The following CNTNAP5 variants were observed in gnomAD, a reference collection of about 807,000 sequenced individuals.
CNTNAP5 encodes contactin-associated protein-like 5.
A neutral mutation model predicts 150.2 loss-of-function variants in CNTNAP5; 72 were observed. The observed-to-expected ratio is 0.48, with a 90% confidence interval of 0.40 to 0.58. The LOEUF (loss-of-function observed/expected upper bound fraction) is 0.58. Among genes scored for constraint, CNTNAP5 ranks in the 20% least tolerant of loss-of-function variants. The pLI, the probability that CNTNAP5 is intolerant of heterozygous loss-of-function variation, is 0.00. For missense variants in CNTNAP5, 1,636 were observed against 1,626.2 expected (o/e 1.01, Z -0.10); for synonymous variants, 672 against 619.8 (o/e 1.08, Z -1.25).
chr2:124,027,222 T>G (rs1680915472), intron 1 of CNTNAP5, among the ~76,000 whole-genome samples: 1 of 152,228 alleles, frequency 6.6e-6, no homozygotes. Context: ...TTCTGTGGAA[T>G]TGTTCCCGTG....
chr2:124,438,949 G>A (rs975246588), intron 5 of CNTNAP5, among the ~76,000 whole-genome samples: 1 of 152,100 alleles, frequency 6.6e-6, no homozygotes, highest in African/African-American at 2.4e-5. Flanking sequence ...AGGTCACATA[G>A]CTGCAAAGCT....
At chr2:124,863,435 T>A (rs1012882362) in intron 19 of CNTNAP5, among the ~76,000 whole-genome samples, 1 of 152,084 alleles carries the variant, frequency 6.6e-6, no homozygotes, top group Non-Finnish European at 1.5e-5. Context: ...ACTTTTTAAG[T>A]AGTAAAATAA....
chr2:124,821,007 C>G (rs936074425), intron 19 of CNTNAP5, among the ~76,000 whole-genome samples: 24 of 152,222 alleles, frequency 1.6e-4, no homozygotes, highest in African/African-American at 5.5e-4. Flanking sequence ...CTCACAGGCT[C>G]TTTGTCAAAG....
chr2:124,763,257 A>G (rs370014830), intron 14 of CNTNAP5, among the ~76,000 whole-genome samples: 2 of 152,276 alleles, frequency 1.3e-5, no homozygotes, highest in East Asian at 3.9e-4. Context: ...TGGCTGAAAC[A>G]AGTCCTTGGA....
intron 14 of CNTNAP5, among the ~76,000 whole-genome samples, chr2:124,751,490 T>C (rs1680727101): frequency 6.6e-6 from 1 of 152,242 alleles, no homozygotes; most frequent in Non-Finnish European, 1.5e-5. Context: ...AAAATGCATT[T>C]ATTATTTATC....
intron 6 of CNTNAP5, among the ~76,000 whole-genome samples, chr2:124,469,017 G>A (rs971876889): frequency 1.3e-5 from 2 of 152,228 alleles, no homozygotes; most frequent in Admixed American, 6.5e-5. Flanking sequence ...GTACCTTTCT[G>A]TGTTTTCCAA....
At chr2:124,348,782 C>T (rs959977241) in intron 3 of CNTNAP5, among the ~76,000 whole-genome samples, 4 of 151,908 alleles carry the variant, frequency 2.6e-5, no homozygotes, top group African/African-American at 9.7e-5. Flanking sequence ...TATGTCTCCC[C>T]AAATTTCTAG....
intron 8 of CNTNAP5, among the ~76,000 whole-genome samples, chr2:124,513,573 C>A (rs1469036838): frequency 6.6e-6 from 1 of 152,202 alleles, no homozygotes; most frequent in East Asian, 1.9e-4. Context: ...AACTATTTGC[C>A]ACACGCATGA....
At chr2:124,197,363 T>C (rs1210408177) in intron 1 of CNTNAP5, among the ~76,000 whole-genome samples, 2 of 152,248 alleles carry the variant, frequency 1.3e-5, no homozygotes, top group Non-Finnish European at 2.9e-5. Context: ...TAAATTGAGT[T>C]GACTTTTCAG....
intron 9 of CNTNAP5, among the ~76,000 whole-genome samples, chr2:124,525,980 G>A (rs1217017095): frequency 1.3e-5 from 2 of 152,140 alleles, no homozygotes; most frequent in Non-Finnish European, 2.9e-5. Flanking sequence ...GGGTGTTGGG[G>A]TCCGAAAAGA....
intron 3 of CNTNAP5, among the ~76,000 whole-genome samples, chr2:124,333,636 A>T (rs954616394): frequency 6.6e-6 from 1 of 152,198 alleles, no homozygotes; most frequent in South Asian, 2.1e-4. Context: ...ATTGAATATA[A>T]GAAGGTTGTA....
At chr2:124,458,407 G>C (rs896412768) in intron 6 of CNTNAP5, among the ~76,000 whole-genome samples, 2 of 151,120 alleles carry the variant, frequency 1.3e-5, no homozygotes, top group Non-Finnish European at 2.9e-5. Context: ...TCTAAGTGAA[G>C]TAACTCAGGA....
At chr2:124,541,613 G>C (rs760641325) in intron 10 of CNTNAP5, among the ~76,000 whole-genome samples, 1 of 152,040 alleles carries the variant, frequency 6.6e-6, no homozygotes, top group Non-Finnish European at 1.5e-5. Context: ...CGCACTAGGG[G>C]GATAAATGAG....
At chr2:124,380,911 G>A (rs1278414056) in intron 3 of CNTNAP5, among the ~76,000 whole-genome samples, 1 of 152,124 alleles carries the variant, frequency 6.6e-6, no homozygotes, top group Non-Finnish European at 1.5e-5. Context: ...ACGCAAAAAA[G>A]TAAGCTACTA....
chr2:124,547,792 C>T (rs972679035), intron 10 of CNTNAP5, among the ~76,000 whole-genome samples: 8 of 152,070 alleles, frequency 5.3e-5, no homozygotes, highest in Admixed American at 1.3e-4. Flanking sequence ...ATTCCTGCCA[C>T]GGGAGGAAGT....
At chr2:124,446,074 C>T (rs1183504743) in intron 5 of CNTNAP5, among the ~76,000 whole-genome samples, 10 of 151,928 alleles carry the variant, frequency 6.6e-5, no homozygotes, top group South Asian at 4.1e-4. Context: ...CAGTATGACC[C>T]GAGCCATGAT....
chr2:124,735,074 ATGT>A (rs1175961417), intron 13 of CNTNAP5, among the ~76,000 whole-genome samples: 4 of 152,156 alleles, frequency 2.6e-5, no homozygotes, highest in African/African-American at 7.2e-5. Context: ...ATCCATTTTA[ATGT>A]TGTTGACAGC....
At chr2:124,050,887 A>G (rs1681678285) in intron 1 of CNTNAP5, among the ~76,000 whole-genome samples, 1 of 152,220 alleles carries the variant, frequency 6.6e-6, no homozygotes, top group Non-Finnish European at 1.5e-5. Context: ...ACCAGCCCAG[A>G]GACATCCTTT....
rs183405982 is a variant in CNTNAP5 at position 124,321,268 on chromosome 2, C to T, written c.381+78875C>T. Among the ~76,000 whole-genome samples, 10 of 151,948 alleles carry T rather than the reference C, an allele frequency of 6.6e-5. No homozygotes were observed. In the East Asian group the frequency reaches 1.9e-3, roughly 30 times the overall value. On this transcript the variant is annotated intron_variant, in intron 3 of 23. Transcript: ENST00000682447. ...ACCAGCCTGACCAAGGTGGAGAAAG[C>T]CCCCGTCTCTACTAAAAATACAAAA...
Sources: gnomAD v4.1 joint callset for allele counts (sites outside exome capture counted in the v4.1 genomes callset) on GRCh38, gnomAD v4.1.1 for gene constraint, MANE v1.5 for transcripts, NCBI Gene and HGNC (gene_info 2026-07-23, HGNC 2026-07-21) for gene names.